The following HS2ST1 variants were observed in gnomAD, a reference collection of about 807,000 sequenced individuals.
HS2ST1 encodes heparan sulfate 2-O-sulfotransferase 1.
In HS2ST1, 18 loss-of-function variants were observed where a neutral mutation model predicts 42.9. The observed-to-expected ratio is 0.42, with a 90% CI of 0.29 to 0.62. HS2ST1 has a LOEUF of 0.62. HS2ST1 is among the 20% of genes least tolerant of loss of function. HS2ST1 has a pLI of 0.21. For synonymous variants in HS2ST1, 146 were observed against 152.9 expected, an observed-to-expected ratio of 0.95 and a Z score of 0.33; for missense variants, 334 against 433.8, an observed-to-expected ratio of 0.77 and a Z score of 2.04.
At chr1:87,043,101 C>T (rs886578975) in intron 1 of HS2ST1, among the ~76,000 whole-genome samples, 1 of 152,000 alleles carries the variant, frequency 6.6e-6, no homozygotes, top group Admixed American at 6.6e-5. Flanking sequence ...ACAAATCTTT[C>T]TATGTAGAGA....
chr1:87,002,062 G>A (rs937935623), intron 1 of HS2ST1, among the ~76,000 whole-genome samples: 2 of 151,928 alleles, frequency 1.3e-5, no homozygotes, highest in Non-Finnish European at 2.9e-5. Context: ...GCAGGTGCCC[G>A]CCACCAAGCC....
At chr1:87,041,324 C>G (rs113866398) in intron 1 of HS2ST1, among the ~76,000 whole-genome samples, 2,099 of 150,398 alleles carry the variant, frequency 0.014, 56 homozygotes, top group African/African-American at 0.049. Context: ...GTTTTTGATG[C>G]TGCAGTGAGC....
rs984194958 is a variant in HS2ST1 at position 87,089,114 on chromosome 1, C to A, written c.450-3417C>A. ...TCCAGCCAGTTGACAAGGTTCCTTACAAATGTTCTGAGTGTGCAGTTGATC... is the reference window on the plus strand; with the variant it reads ...TCCAGCCAGTTGACAAGGTTCCTTAAAAATGTTCTGAGTGTGCAGTTGATC... On this transcript the variant is annotated intron_variant, in intron 3 of 6. Coordinates refer to ENST00000370550, the MANE Select transcript of HS2ST1 (RefSeq NM_012262.4). Among the ~76,000 whole-genome samples, 6 of 152,020 alleles carry A rather than the reference C, an allele frequency of 3.9e-5. No individual in the cohort carries two copies. In the East Asian group the frequency reaches 9.6e-4, roughly 24 times the overall value.
At chr1:87,081,023 A>G (rs1316159270) in intron 2 of HS2ST1, among the ~76,000 whole-genome samples, 2 of 152,240 alleles carry the variant, frequency 1.3e-5, no homozygotes, top group Non-Finnish European at 2.9e-5. Flanking sequence ...ATTTTTAAAC[A>G]TACGTCTGTC....
At chr1:87,058,016 T>A (rs1232110298) in intron 1 of HS2ST1, among the ~76,000 whole-genome samples, 1 of 151,718 alleles carries the variant, frequency 6.6e-6, no homozygotes, top group Non-Finnish European at 1.5e-5. Context: ...TATTTCTGCT[T>A]CTTTCGATTT....
chr1:87,082,544 TCAA>T (rs1651721315), intron 2 of HS2ST1, among the ~76,000 whole-genome samples: 1 of 152,228 alleles, frequency 6.6e-6, no homozygotes, highest in Non-Finnish European at 1.5e-5. Flanking sequence ...GCCACCATCT[TCAA>T]TGCCTTATTC....
intron 1 of HS2ST1, among the ~76,000 whole-genome samples, chr1:87,024,650 A>T (rs565834770): frequency 1.3e-5 from 2 of 152,282 alleles, no homozygotes; most frequent in African/African-American, 4.8e-5. Context: ...AATGTATCTC[A>T]TGGGATTGCT....
At chr1:87,001,074 G>C (rs1436802807) in intron 1 of HS2ST1, among the ~76,000 whole-genome samples, 1 of 152,122 alleles carries the variant, frequency 6.6e-6, no homozygotes, top group Admixed American at 6.5e-5. Context: ...TGATAATGTT[G>C]TATATCACTT....
At chr1:86,984,617 G>C (rs1257513937) in intron 1 of HS2ST1, among the ~76,000 whole-genome samples, 1 of 152,196 alleles carries the variant, frequency 6.6e-6, no homozygotes, top group Non-Finnish European at 1.5e-5. Flanking sequence ...GGATGCAGTG[G>C]TTCGCGCCTG....
At chr1:87,087,645 G>A (rs1027783934) in intron 3 of HS2ST1, among the ~76,000 whole-genome samples, 7 of 152,112 alleles carry the variant, frequency 4.6e-5, no homozygotes, top group Non-Finnish European at 1.0e-4. Context: ...ATAGAGTCAT[G>A]TGAGATTGTC....
At chr1:86,969,595 AAGT>A (rs1648168562) in intron 1 of HS2ST1, among the ~76,000 whole-genome samples, 1 of 152,168 alleles carries the variant, frequency 6.6e-6, no homozygotes, top group African/African-American at 2.4e-5. Flanking sequence ...TGATCATATG[AAGT>A]AGAAGAGTTA....
intron 1 of HS2ST1, among the ~76,000 whole-genome samples, chr1:87,003,561 C>T (rs1159793728): frequency 6.6e-6 from 1 of 152,122 alleles, no homozygotes; most frequent in Non-Finnish European, 1.5e-5. Context: ...TTTTATGCTT[C>T]TCTCTTGAAT....
chr1:87,066,066 A>G (rs1651243431), intron 1 of HS2ST1, among the ~76,000 whole-genome samples: 1 of 152,182 alleles, frequency 6.6e-6, no homozygotes, highest in African/African-American at 2.4e-5. Context: ...CTGATACAGA[A>G]TACATCCTTG....
At chr1:87,028,788 G>A (rs145179510) in intron 1 of HS2ST1, among the ~76,000 whole-genome samples, 11 of 152,224 alleles carry the variant, frequency 7.2e-5, no homozygotes, top group South Asian at 6.2e-4. Context: ...GTGTAAAAAC[G>A]GAAAAGCTGA....
intron 1 of HS2ST1, chr1:87,045,919 G>A (rs1359274120): frequency 3.1e-5 from 22 of 700,700 alleles, no homozygotes; most frequent in Non-Finnish European, 5.4e-5. Flanking sequence ...CTTCTCCCAC[G>A]TCGACCTGAT....
intron 4 of HS2ST1, among the ~76,000 whole-genome samples, 199 bp from the exon 5 acceptor site, chr1:87,097,639 G>T (rs768243686): frequency 6.6e-6 from 1 of 152,090 alleles, no homozygotes; most frequent in Non-Finnish European, 1.5e-5. Flanking sequence ...CGATCTGCCC[G>T]CCTCGGCCTC....
At chr1:86,970,513 G>A (rs1648200121) in intron 1 of HS2ST1, among the ~76,000 whole-genome samples, 1 of 152,010 alleles carries the variant, frequency 6.6e-6, no homozygotes, top group South Asian at 2.1e-4. Context: ...TGATTGTTGT[G>A]CCTCAGCCTC....
chr1:87,021,457 A>C (rs1649948603), intron 1 of HS2ST1, among the ~76,000 whole-genome samples: 1 of 152,210 alleles, frequency 6.6e-6, no homozygotes, highest in African/African-American at 2.4e-5. Flanking sequence ...TTTTCCAAAC[A>C]AAAATTAAAT....
intron 1 of HS2ST1, among the ~76,000 whole-genome samples, chr1:87,065,344 C>CCAGG (rs1460303353): frequency 9.9e-5 from 15 of 152,132 alleles, no homozygotes; most frequent in African/African-American, 3.4e-4. Flanking sequence ...GGCATACTTG[C>CCAGG]CAGGAGGATC....
Sources: gnomAD v4.1 joint callset for allele counts (sites outside exome capture counted in the v4.1 genomes callset) on GRCh38, gnomAD v4.1.1 for gene constraint, MANE v1.5 for transcripts, NCBI Gene and HGNC (gene_info 2026-07-23, HGNC 2026-07-21) for gene names.